The following CNTNAP2 variants were observed in gnomAD, a reference collection of about 807,000 sequenced individuals.
CNTNAP2 encodes the protein contactin associated protein 2, also known as contactin-associated protein-like 2.
In CNTNAP2, 98 loss-of-function variants were observed where a neutral mutation model predicts 155.2. That is an observed-to-expected ratio of 0.63 (90% CI 0.54 to 0.75). CNTNAP2 has a LOEUF of 0.75. Among genes scored for constraint, CNTNAP2 ranks in the 30% least tolerant of loss-of-function variants. The pLI is 0.00. For missense variants in CNTNAP2, 1,727 were observed against 1,688.1 expected, an observed-to-expected ratio of 1.02 and a Z score of -0.40; for synonymous variants, 651 against 631.2, an observed-to-expected ratio of 1.03 and a Z score of -0.47.
intron 12 of CNTNAP2, among the ~76,000 whole-genome samples, chr7:147,626,132 G>A (rs1794970937): frequency 6.6e-6 from 1 of 152,076 alleles, no homozygotes; most frequent in African/African-American, 2.4e-5. Context: ...GAAATTTGTA[G>A]TTGTTTCAAC....
chr7:147,573,283 G>A (rs1800329144), intron 12 of CNTNAP2, among the ~76,000 whole-genome samples: 1 of 152,138 alleles, frequency 6.6e-6, no homozygotes, highest in African/African-American at 2.4e-5. Flanking sequence ...AATTTCATTA[G>A]CATTGAACTC....
intron 14 of CNTNAP2, among the ~76,000 whole-genome samples, chr7:147,972,112 G>A (rs1801343543): frequency 6.6e-6 from 1 of 152,070 alleles, no homozygotes; most frequent in South Asian, 2.1e-4. Flanking sequence ...GATAGTATTA[G>A]GCTTCTTCTC....
intron 13 of CNTNAP2, among the ~76,000 whole-genome samples, chr7:147,766,101 G>A (rs1797379136): frequency 6.6e-6 from 1 of 152,168 alleles, no homozygotes; most frequent in Non-Finnish European, 1.5e-5. Context: ...AGAGGCACAG[G>A]AAGTTTTTGG....
intron 1 of CNTNAP2, among the ~76,000 whole-genome samples, chr7:146,386,821 A>G (rs986560905): frequency 2.6e-5 from 4 of 152,174 alleles, no homozygotes; most frequent in African/African-American, 4.8e-5. Flanking sequence ...TCAGAGAATG[A>G]TATAATTCAT....
intron 13 of CNTNAP2, among the ~76,000 whole-genome samples, chr7:147,830,958 C>T (rs556731889): frequency 1.8e-4 from 28 of 152,270 alleles, no homozygotes; most frequent in Admixed American, 1.4e-3. Flanking sequence ...TCAAACAAAA[C>T]AAGCTTTTAC....
At chr7:147,132,205 A>C in intron 7 of CNTNAP2, 40 bp from the exon 8 acceptor site, 1 of 1,611,906 alleles carries the variant, frequency 6.2e-7, no homozygotes, top group Non-Finnish European at 8.5e-7. Flanking sequence ...TGTTCATTTT[A>C]TTCTGTGTTT....
chr7:146,150,174 G>A (rs1798016460), intron 1 of CNTNAP2, among the ~76,000 whole-genome samples: 1 of 152,046 alleles, frequency 6.6e-6, no homozygotes, highest in Non-Finnish European at 1.5e-5. Flanking sequence ...TAAGTTATTA[G>A]CTAAATGTAA....
intron 19 of CNTNAP2, among the ~76,000 whole-genome samples, chr7:148,228,624 T>C (rs1400169520): frequency 6.6e-6 from 1 of 151,534 alleles, no homozygotes; most frequent in Non-Finnish European, 1.5e-5. Flanking sequence ...GAGATCGAGA[T>C]CATCCTGGCT....
intron 2 of CNTNAP2, among the ~76,000 whole-genome samples, chr7:146,802,787 C>G (rs1802903590): frequency 6.6e-6 from 1 of 152,094 alleles, no homozygotes; most frequent in East Asian, 1.9e-4. Context: ...AGATTGAGAA[C>G]AGACTAATAT....
chr7:146,709,979 T>A (rs539244595), intron 1 of CNTNAP2, among the ~76,000 whole-genome samples: 1 of 152,098 alleles, frequency 6.6e-6, no homozygotes, highest in African/African-American at 2.4e-5. Context: ...GTTTTCACAA[T>A]CGATTAGGAG....
intron 12 of CNTNAP2, among the ~76,000 whole-genome samples, chr7:147,583,816 T>C (rs1419217650): frequency 6.6e-6 from 1 of 152,050 alleles, no homozygotes; most frequent in Non-Finnish European, 1.5e-5. Context: ...TCCATATGAT[T>C]TTTCACAATT....
chr7:147,931,869 C>CTTTAT (rs1563139447), intron 14 of CNTNAP2, among the ~76,000 whole-genome samples: 2 of 151,828 alleles, frequency 1.3e-5, no homozygotes, highest in Non-Finnish European at 1.5e-5. Flanking sequence ...ATTCTTTTTT[C>CTTTAT]TTTATTTTAT....
At chr7:146,240,930 G>A (rs1799550202) in intron 1 of CNTNAP2, among the ~76,000 whole-genome samples, 1 of 152,140 alleles carries the variant, frequency 6.6e-6, no homozygotes, top group African/African-American at 2.4e-5. Flanking sequence ...AGCTTCTGGG[G>A]AGGCCTCAGG....
intron 5 of CNTNAP2, among the ~76,000 whole-genome samples, chr7:147,110,323 C>T (rs1800849732): frequency 6.6e-6 from 1 of 151,240 alleles, no homozygotes; most frequent in African/African-American, 2.4e-5. Flanking sequence ...TTGGTACTGG[C>T]ATTCAAAATT....
chr7:146,171,798 T>A (rs1011597964), intron 1 of CNTNAP2, among the ~76,000 whole-genome samples: 1 of 152,132 alleles, frequency 6.6e-6, no homozygotes, highest in Non-Finnish European at 1.5e-5. Context: ...CATCATATAT[T>A]TTTGAATGAT....
intron 8 of CNTNAP2, among the ~76,000 whole-genome samples, chr7:147,196,054 G>A (rs1338863981): frequency 2.0e-5 from 3 of 152,094 alleles, no homozygotes; most frequent in Non-Finnish European, 4.4e-5. Flanking sequence ...GGGAAATTAG[G>A]ACACAGACCC....
At chr7:146,479,264 G>A (rs948325737) in intron 1 of CNTNAP2, among the ~76,000 whole-genome samples, 5 of 152,098 alleles carry the variant, frequency 3.3e-5, no homozygotes, top group South Asian at 2.1e-4. Flanking sequence ...GGCAACAGAC[G>A]CCCTATAAAG....
At position 146,352,879 on chromosome 7, in the gene CNTNAP2, C is replaced by T. The variant is rs1488301066; in HGVS notation, c.97+235906C>T. 2.2e-3 allele frequency among the ~76,000 whole-genome samples: 330 copies of T among 150,432 alleles called. 1 individual carries two copies. The highest frequency in any genetic ancestry group is 7.8e-3 in the African/African-American group (318 of 40,648). ...ACGCCATTCTCCTGCCTCAGCCTCC[C>T]TAGTCGCTAGGACTACAGGCACCCG... On this transcript the variant is annotated intron_variant, in intron 1 of 23. Coordinates refer to ENST00000361727, the MANE Select transcript of CNTNAP2 (RefSeq NM_014141.6).
intron 10 of CNTNAP2, among the ~76,000 whole-genome samples, chr7:147,464,705 G>T (rs1257206973): frequency 6.6e-6 from 1 of 152,112 alleles, no homozygotes; most frequent in Non-Finnish European, 1.5e-5. Flanking sequence ...AACAGATGTG[G>T]ATTTTACAAT....
Sources: gnomAD v4.1 joint callset for allele counts (sites outside exome capture counted in the v4.1 genomes callset) on GRCh38, gnomAD v4.1.1 for gene constraint, MANE v1.5 for transcripts, NCBI Gene and HGNC (gene_info 2026-07-23, HGNC 2026-07-21) for gene names.